Variants in ARHGAP10 observed in about 807,000 individuals in gnomAD.
ARHGAP10 encodes rho GTPase-activating protein 10.
Under a neutral mutation model 108.6 loss-of-function variants are expected in ARHGAP10, and 87 were observed. That is an observed-to-expected ratio of 0.80 (90% confidence interval 0.67 to 0.96). ARHGAP10 has a LOEUF of 0.96. ARHGAP10 is among the 40% of genes least tolerant of loss of function. The pLI, the probability that ARHGAP10 is intolerant of heterozygous loss-of-function variation, is 0.00. For missense variants in ARHGAP10, 939 were observed against 954.5 expected (o/e 0.98, Z 0.21); for synonymous variants, 347 against 341.1 (o/e 1.02, Z -0.19).
chr4:148,072,116 C>G lies in ARHGAP10; in HGVS notation c.*35C>G. On this transcript the variant is annotated 3_prime_UTR_variant, in exon 23 of 23. Transcript: ENST00000336498. ...TCAGAGCCCCTGCTGACCCTGGCACCCAGGGACCTGCCTGGGGGCAGAGAG... is the reference window on the plus strand; with the variant it reads ...TCAGAGCCCCTGCTGACCCTGGCACGCAGGGACCTGCCTGGGGGCAGAGAG... 1.3e-6 allele frequency: 2 copies of G among 1,585,704 alleles called. No homozygotes were observed. The highest frequency in any genetic ancestry group is 1.7e-6 in the Non-Finnish European group (2 of 1,163,284).
chr4:147,857,744 A>G (rs1734153735), intron 5 of ARHGAP10, 90 bp downstream of exon 5: 2 of 1,138,682 alleles, frequency 1.8e-6, no homozygotes, highest in African/African-American at 1.6e-5. Flanking sequence ...ATAACTTTTC[A>G]TCTGGCATTA....
intron 1 of ARHGAP10, among the ~76,000 whole-genome samples, chr4:147,749,998 T>C (rs549874872): frequency 6.6e-6 from 1 of 152,288 alleles, no homozygotes; most frequent in Admixed American, 6.5e-5. Flanking sequence ...TTTGGCAGTG[T>C]TTACCTGAGT....
At chr4:148,050,304 C>A (rs181579024) in intron 20 of ARHGAP10, among the ~76,000 whole-genome samples, 96 of 138,958 alleles carry the variant, frequency 6.9e-4, no homozygotes, top group African/African-American at 2.3e-3. Flanking sequence ...AATCTCATTT[C>A]TTTCTCTGTG....
At chr4:147,904,700 A>G (rs576882257) in intron 10 of ARHGAP10, among the ~76,000 whole-genome samples, 1 of 152,208 alleles carries the variant, frequency 6.6e-6, no homozygotes, top group African/African-American at 2.4e-5. Flanking sequence ...ATACGTGTGC[A>G]TGTGTCTTTA....
At chr4:147,964,933 T>A (rs1378466043) in intron 16 of ARHGAP10, 91 bp from the exon 17 acceptor site, 1 of 871,444 alleles carries the variant, frequency 1.1e-6, no homozygotes, top group African/African-American at 1.8e-5. Flanking sequence ...GTTGTCATTG[T>A]CTTGGGAAAT....
intron 12 of ARHGAP10, among the ~76,000 whole-genome samples, chr4:147,912,382 A>T (rs532683291): frequency 6.6e-6 from 1 of 151,426 alleles, no homozygotes; most frequent in Admixed American, 6.6e-5. Context: ...TCTACTAAAA[A>T]TAGAAAAAAT....
rs190513443 is a variant in ARHGAP10 at position 147,829,481 on chromosome 4, G to T, written c.312+6524G>T. Among the ~76,000 whole-genome samples the T allele has an allele frequency of 7.6e-4, 116 of 152,278 alleles. 1 individual carries two copies. The highest frequency in any genetic ancestry group is 1.9e-4 in the East Asian group (1 of 5,178). On this transcript the variant is annotated intron_variant, in intron 3 of 22. Transcript: ENST00000336498. The stretch of plus-strand genomic sequence containing the variant: ...TGGGATTACAGATGTGAGCCACCGC[G>T]CCCGGCCAGGACAGTGTTTTTGAGT...
In ARHGAP10 at chr4:147,766,833, TA is replaced by T. The variant is rs1560747037; in HGVS notation, c.154+34379del. Among the ~76,000 whole-genome samples the T allele has an allele frequency of 2.9e-3, 320 of 109,756 alleles. 1 individual carries two copies. Among genetic ancestry groups the T allele is most frequent in the African/African-American group, 0.012 (299 of 24,380 alleles). The allele number at this position is 109,756 out of a possible 152,430, so 72.0% of individuals were successfully genotyped here. ...ATATATATATATATATATATATATATATATATTTATTTATTTATTTATTTAT... is the reference window on the plus strand; with the variant it reads ...ATATATATATATATATATATATATATTATATTTATTTATTTATTTATTTAT... On this transcript the variant is annotated intron_variant, in intron 1 of 22. Coordinates refer to ENST00000336498, the MANE Select transcript of ARHGAP10 (RefSeq NM_024605.4).
intron 18 of ARHGAP10, among the ~76,000 whole-genome samples, chr4:147,999,360 C>T (rs1740603819): frequency 6.6e-6 from 1 of 152,180 alleles, no homozygotes; most frequent in African/African-American, 2.4e-5. Context: ...GCTCTGTTTT[C>T]ACTCTATTAA....
chr4:148,011,389 C>T (rs1195249474), intron 18 of ARHGAP10, among the ~76,000 whole-genome samples: 1 of 152,210 alleles, frequency 6.6e-6, no homozygotes, highest in South Asian at 2.1e-4. Flanking sequence ...CTTCTGCACT[C>T]ACATCTGGTG....
rs775242323 is a variant in ARHGAP10 at position 147,879,298 on chromosome 4, T to G, written c.899T>G (p.Phe300Cys). The change falls in exon 9 of 23, where the codon TTC becomes TGC. Residue 300 changes from phenylalanine to cysteine, a missense_variant. By Grantham distance (205) the Phe-to-Cys change is radical. Coordinates refer to ENST00000336498, the MANE Select transcript of ARHGAP10 (RefSeq NM_024605.4). ...YCMYRKAAKK[F>C]NMIPFEHRSG... ...ATGTATCGAAAAGCAGCAAAGAAGT[T>G]CAACATGATCCCATTTGAGCACAGA... is the stretch of plus-strand genomic sequence containing the variant. The G allele has an allele frequency of 4.3e-6, 7 of 1,613,994 alleles. No individual in the cohort carries two copies. The highest frequency in any genetic ancestry group is 1.3e-5 in the African/African-American group (1 of 74,948).
At chr4:147,937,217 G>T (rs1401794261) in intron 13 of ARHGAP10, among the ~76,000 whole-genome samples, 1 of 151,814 alleles carries the variant, frequency 6.6e-6, no homozygotes, top group East Asian at 1.9e-4. Flanking sequence ...GCTATCAGCA[G>T]GGTTAATTTC....
chr4:147,752,847 T>C (rs557930645), intron 1 of ARHGAP10, among the ~76,000 whole-genome samples: 19 of 152,358 alleles, frequency 1.2e-4, no homozygotes, highest in African/African-American at 4.3e-4. Flanking sequence ...TTAATGCTGA[T>C]CTGGGCCTTT....
At chr4:147,975,939 A>G (rs891250461) in intron 18 of ARHGAP10, among the ~76,000 whole-genome samples, 1 of 152,218 alleles carries the variant, frequency 6.6e-6, no homozygotes, top group Non-Finnish European at 1.5e-5. Flanking sequence ...TGCCACGATC[A>G]GTAGAATGCA....
At chr4:147,885,213 T>C (rs1320796728) in intron 10 of ARHGAP10, among the ~76,000 whole-genome samples, 2 of 152,130 alleles carry the variant, frequency 1.3e-5, no homozygotes, top group Non-Finnish European at 2.9e-5. Context: ...TTCATACTGC[T>C]ATGAAGAAAT....
intron 20 of ARHGAP10, 90 bp downstream of exon 20, chr4:148,047,141 C>T: frequency 6.8e-7 from 1 of 1,476,556 alleles, no homozygotes; most frequent in Non-Finnish European, 9.1e-7. Flanking sequence ...CCTGTGGGTG[C>T]TGAAGCCATT....
intron 19 of ARHGAP10, among the ~76,000 whole-genome samples, chr4:148,026,213 C>G (rs1741759957): frequency 6.6e-6 from 1 of 152,050 alleles, no homozygotes; most frequent in Non-Finnish European, 1.5e-5. Context: ...GTGTGATGTC[C>G]CAAACAGCCA....
At chr4:148,032,334 C>G (rs1461567045) in intron 19 of ARHGAP10, among the ~76,000 whole-genome samples, 1 of 43,362 alleles carries the variant, frequency 2.3e-5, no homozygotes, top group African/African-American at 1.5e-4. Flanking sequence ...CTGTCCCCCC[C>G]CCCCCCCCCC....
chr4:147,972,084 C>T (rs759563421), intron 18 of ARHGAP10, among the ~76,000 whole-genome samples: 1 of 152,140 alleles, frequency 6.6e-6, no homozygotes, highest in African/African-American at 2.4e-5. Flanking sequence ...CAGTTTGTCA[C>T]ATGGTGAATT....
Sources: allele counts gnomAD v4.1 joint callset (sites outside exome capture counted in the v4.1 genomes callset), GRCh38; gene constraint gnomAD v4.1.1; transcripts MANE v1.5; gene names NCBI Gene and HGNC (gene_info 2026-07-23, HGNC 2026-07-21).